CNTN4: variants seen among roughly 807,000 people sequenced by gnomAD.
CNTN4 encodes contactin 4.
In CNTN4, 77 loss-of-function variants were observed where a neutral mutation model predicts 122.5. That is an observed-to-expected ratio of 0.63 (90% confidence interval 0.52 to 0.76). The LOEUF (loss-of-function observed/expected upper bound fraction) is 0.76. CNTN4 is among the 30% of genes least tolerant of loss of function. The probability of loss-of-function intolerance (pLI) is 0.00; values close to 1 mark genes in which losing one functional copy is unlikely to be tolerated. For missense variants in CNTN4, 1,256 were observed against 1,259.1 expected (o/e 1.00, Z 0.04); for synonymous variants, 512 against 447.0 (o/e 1.15, Z -1.83).
intron 3 of CNTN4, among the ~76,000 whole-genome samples, chr3:2,406,811 T>C (rs1039681026): frequency 2.6e-5 from 4 of 152,254 alleles, no homozygotes; most frequent in Admixed American, 6.5e-5. Flanking sequence ...TAAGTGTGGT[T>C]TTACCAGTTA....
chr3:2,756,710 G>A (rs2090353749), intron 6 of CNTN4, among the ~76,000 whole-genome samples: 1 of 152,154 alleles, frequency 6.6e-6, no homozygotes, highest in South Asian at 2.1e-4. Flanking sequence ...AAACACAGGA[G>A]AGAAAGAGAC....
At chr3:3,022,581 G>A (rs1191550806) in intron 14 of CNTN4, among the ~76,000 whole-genome samples, 1 of 152,084 alleles carries the variant, frequency 6.6e-6, no homozygotes, top group Non-Finnish European at 1.5e-5. Context: ...TCTAATTGTG[G>A]ATCTGATTAT....
At chr3:2,527,669 C>T (rs1252328515) in intron 3 of CNTN4, among the ~76,000 whole-genome samples, 6 of 152,276 alleles carry the variant, frequency 3.9e-5, no homozygotes, top group African/African-American at 1.4e-4. Flanking sequence ...GTCCCATCCC[C>T]TCTTTTCCTG....
chr3:2,885,092 A>C (rs1045814175), intron 9 of CNTN4, among the ~76,000 whole-genome samples: 2 of 152,230 alleles, frequency 1.3e-5, no homozygotes, highest in Non-Finnish European at 2.9e-5. Context: ...AGTAGAGTTG[A>C]TGGCTTTAAT....
intron 5 of CNTN4, among the ~76,000 whole-genome samples, chr3:2,742,412 A>C (rs2089507433): frequency 6.6e-6 from 1 of 152,208 alleles, no homozygotes; most frequent in Admixed American, 6.5e-5. Context: ...TCCAGATAGA[A>C]GAAATGTTCA....
intron 2 of CNTN4, among the ~76,000 whole-genome samples, chr3:2,151,605 A>C (rs2125406417): frequency 6.6e-6 from 1 of 152,348 alleles, no homozygotes; most frequent in East Asian, 1.9e-4. Flanking sequence ...CCAGTGTAGC[A>C]GAATTGAGAA....
chr3:2,108,062 G>A (rs1455720312), intron 2 of CNTN4, among the ~76,000 whole-genome samples: 1 of 151,926 alleles, frequency 6.6e-6, no homozygotes, highest in Non-Finnish European at 1.5e-5. Context: ...CCTGGATGAT[G>A]CTTTCTTTTC....
At chr3:2,529,340 AT>A (rs1323550960) in intron 3 of CNTN4, among the ~76,000 whole-genome samples, 5 of 152,102 alleles carry the variant, frequency 3.3e-5, no homozygotes, top group African/African-American at 1.2e-4. Flanking sequence ...TATTTTCTTC[AT>A]CCATTCATCT....
intron 16 of CNTN4, among the ~76,000 whole-genome samples, chr3:3,033,911 TA>T (rs1699385749): frequency 6.6e-6 from 1 of 152,170 alleles, no homozygotes; most frequent in African/African-American, 2.4e-5. Flanking sequence ...GGAAGAGAAG[TA>T]GAAAAATACG....
intron 10 of CNTN4, among the ~76,000 whole-genome samples, chr3:2,894,707 A>C (rs2094086732): frequency 6.6e-6 from 1 of 152,150 alleles, no homozygotes; most frequent in African/African-American, 2.4e-5. Flanking sequence ...AAGATTAAAA[A>C]AATAAAAGAA....
chr3:2,109,073 T>A (rs1052050557), intron 2 of CNTN4, among the ~76,000 whole-genome samples: 1 of 152,234 alleles, frequency 6.6e-6, no homozygotes, highest in Non-Finnish European at 1.5e-5. Flanking sequence ...CTTTGAAACT[T>A]GAAAAAGCTG....
chr3:2,725,315 A>G (rs901592658), intron 4 of CNTN4, among the ~76,000 whole-genome samples: 3 of 152,148 alleles, frequency 2.0e-5, no homozygotes, highest in African/African-American at 7.2e-5. Context: ...ATTCTAATGC[A>G]TATGCCTGCA....
chr3:2,282,275 T>C (rs2041744153), intron 2 of CNTN4, among the ~76,000 whole-genome samples: 1 of 152,158 alleles, frequency 6.6e-6, no homozygotes, highest in African/African-American at 2.4e-5. Flanking sequence ...AAATATTTAA[T>C]GATTGGTTTA....
chr3:2,412,342 C>G (rs2047255064), intron 3 of CNTN4, among the ~76,000 whole-genome samples: 2 of 152,116 alleles, frequency 1.3e-5, no homozygotes, highest in African/African-American at 4.8e-5. Context: ...GCCTCCTCCT[C>G]CCGGGTTCAA....
Position 2,259,387 on chromosome 3 carries a change from C to G in CNTN4, c.-144-79791C>G, listed in dbSNP as rs958000021. Among the ~76,000 whole-genome samples, 7 of 152,288 alleles carry G rather than the reference C, an allele frequency of 4.6e-5. No homozygotes were observed. The South Asian group carries it at 1.5e-3, about 32-fold the overall frequency. On this transcript the variant is annotated intron_variant, in intron 2 of 24. Transcript: ENST00000418658. Reference sequence around the variant, plus strand: ...ATTCTCATGTTACATGATGGGGAAACTAATCTCAGAGTTGCAAATGTTAAG... The same window carrying G: ...ATTCTCATGTTACATGATGGGGAAAGTAATCTCAGAGTTGCAAATGTTAAG...
rs541350298 is a variant in CNTN4 at position 2,388,331 on chromosome 3, C to A, written c.-89+49098C>A. Among the ~76,000 whole-genome samples, 4 of 152,216 alleles carry A rather than the reference C, an allele frequency of 2.6e-5. No homozygotes were observed. The South Asian group carries it at 8.3e-4, about 32-fold the overall frequency. On this transcript the variant is annotated intron_variant, in intron 3 of 24. Coordinates refer to ENST00000418658, the MANE Select transcript of CNTN4 (RefSeq NM_175607.3). ...GAAGTAAGTATATCAGAACTGTTTT[C>A]TTCTGGGATCAATGCATTGCCATTC...
At chr3:2,790,926 A>T (rs748651785) in intron 6 of CNTN4, among the ~76,000 whole-genome samples, 3 of 152,170 alleles carry the variant, frequency 2.0e-5, no homozygotes, top group Non-Finnish European at 2.9e-5. Flanking sequence ...TTTTGTTTAG[A>T]TAAGGTTCAA....
chr3:2,702,004 G>A (rs7645216), intron 4 of CNTN4, among the ~76,000 whole-genome samples: 73,513 of 152,030 alleles, frequency 0.48, 18,054 homozygotes, highest in Middle Eastern at 0.54. Context: ...AAAGAAGCCA[G>A]GGTAGAGTGA....
chr3:2,123,117 C>G (rs2033905734), intron 2 of CNTN4, among the ~76,000 whole-genome samples: 1 of 152,212 alleles, frequency 6.6e-6, no homozygotes, highest in African/African-American at 2.4e-5. Context: ...AACCCTCAGC[C>G]AGACACAGTG....
Sources: gnomAD v4.1 joint callset for allele counts (sites outside exome capture counted in the v4.1 genomes callset) on GRCh38, gnomAD v4.1.1 for gene constraint, MANE v1.5 for transcripts, NCBI Gene and HGNC (gene_info 2026-07-23, HGNC 2026-07-21) for gene names.